IL1RAPL2: variants seen among roughly 807,000 people sequenced by gnomAD.
IL1RAPL2 encodes the protein X-linked interleukin-1 receptor accessory protein-like 2.
Under a neutral mutation model 44.1 loss-of-function variants are expected in IL1RAPL2, and 3 were observed. That is an observed-to-expected ratio of 0.07 (90% confidence interval 0.03 to 0.18). The LOEUF (loss-of-function observed/expected upper bound fraction) is 0.18. IL1RAPL2 is among the 10% of genes least tolerant of loss of function. The probability of loss-of-function intolerance (pLI) is 1.00; values close to 1 mark genes in which losing one functional copy is unlikely to be tolerated. For synonymous variants in IL1RAPL2, 181 were observed against 178.8 expected (o/e 1.01, Z -0.10); for missense variants, 391 against 496.4 (o/e 0.79, Z 2.02).
chrX:105,366,545 TTTTC>T, intron 5 of IL1RAPL2, among the ~76,000 whole-genome samples: 1 of 111,410 alleles, frequency 9.0e-6, no homozygotes, highest in East Asian at 2.8e-4. Flanking sequence ...GTTGTTTTCA[TTTTC>T]TTTATCTCAA....
Position 104,635,343 on chromosome X carries a change from G to C in IL1RAPL2, c.-19-23552G>C, listed in dbSNP as rs1001730061. On this transcript the variant is annotated intron_variant, in intron 1 of 10. Coordinates refer to ENST00000372582, the MANE Select transcript of IL1RAPL2 (RefSeq NM_017416.2). ...GTCTTGGAGTTGCTCTTCTCGAGGAGTATCTTTGTGGCGTTCTCTGTATTT... is the reference window on the plus strand; with the variant it reads ...GTCTTGGAGTTGCTCTTCTCGAGGACTATCTTTGTGGCGTTCTCTGTATTT... 7.3e-5 allele frequency among the ~76,000 whole-genome samples: 8 copies of C among 110,049 alleles called. No homozygotes were observed. The East Asian group carries it at 1.4e-3, about 20-fold the overall frequency.
intron 6 of IL1RAPL2, among the ~76,000 whole-genome samples, chrX:105,682,928 T>G (rs1265813214): frequency 8.9e-6 from 1 of 112,394 alleles, no homozygotes; most frequent in Non-Finnish European, 1.9e-5. Flanking sequence ...ATTTGAACAT[T>G]TAAGATACAA....
intron 2 of IL1RAPL2, among the ~76,000 whole-genome samples, chrX:104,695,106 GT>G (rs1931155410): frequency 8.9e-6 from 1 of 112,056 alleles, no homozygotes; most frequent in African/African-American, 3.2e-5. Flanking sequence ...ACATTAGGTG[GT>G]AATACTTGGG....
At chrX:105,074,861 A>G (rs1252385341) in intron 2 of IL1RAPL2, among the ~76,000 whole-genome samples, 4 of 110,247 alleles carry the variant, frequency 3.6e-5, no homozygotes, top group Admixed American at 9.7e-5. Flanking sequence ...TTGGTGTATA[A>G]GAATGCTTGT....
intron 2 of IL1RAPL2, among the ~76,000 whole-genome samples, chrX:104,835,720 A>G (rs942676832): frequency 4.5e-5 from 5 of 112,091 alleles, no homozygotes; most frequent in African/African-American, 1.6e-4. Context: ...AAAACTGTTT[A>G]TTTTCTTCTC....
At chrX:105,506,177 C>A (rs1378171595) in intron 6 of IL1RAPL2, among the ~76,000 whole-genome samples, 1 of 111,402 alleles carries the variant, frequency 9.0e-6, no homozygotes, top group African/African-American at 3.3e-5. Context: ...GTAAAGAACA[C>A]TTACTAAAGT....
chrX:105,673,004 G>C (rs1361262405), intron 6 of IL1RAPL2, among the ~76,000 whole-genome samples: 4 of 110,977 alleles, frequency 3.6e-5, no homozygotes, highest in African/African-American at 1.3e-4. Flanking sequence ...GTCATCCCTT[G>C]TGTCCTGTAG....
chrX:104,623,270 T>C (rs1929434381), intron 1 of IL1RAPL2, among the ~76,000 whole-genome samples: 1 of 110,324 alleles, frequency 9.1e-6, no homozygotes, highest in Admixed American at 9.9e-5. Flanking sequence ...TGGCTTCATA[T>C]GCCTTGGCTG....
intron 6 of IL1RAPL2, among the ~76,000 whole-genome samples, chrX:105,546,985 A>G (rs1402103894): frequency 9.0e-6 from 1 of 111,527 alleles, no homozygotes; most frequent in South Asian, 3.8e-4. Flanking sequence ...AGCATACGGC[A>G]GTTAATTTTC....
At chrX:104,890,954 C>A (rs1167005978) in intron 2 of IL1RAPL2, among the ~76,000 whole-genome samples, 1 of 111,833 alleles carries the variant, frequency 8.9e-6, no homozygotes, top group Non-Finnish European at 1.9e-5. Flanking sequence ...ATTCTTTACT[C>A]CCTCTTGAAT....
intron 5 of IL1RAPL2, among the ~76,000 whole-genome samples, chrX:105,357,575 T>C (rs975826351): frequency 2.5e-4 from 28 of 111,200 alleles, no homozygotes; most frequent in African/African-American, 8.5e-4. Context: ...GGAATGGTTG[T>C]TGCTCTTATA....
At chrX:104,892,493 T>C (rs1313707672) in intron 2 of IL1RAPL2, among the ~76,000 whole-genome samples, 2 of 111,785 alleles carry the variant, frequency 1.8e-5, no homozygotes, top group Non-Finnish European at 3.8e-5. Flanking sequence ...TATTCAGGGA[T>C]TCAACTTCTT....
intron 4 of IL1RAPL2, among the ~76,000 whole-genome samples, chrX:105,253,828 T>A (rs1425644957): frequency 8.9e-6 from 1 of 112,012 alleles, no homozygotes; most frequent in Non-Finnish European, 1.9e-5. Flanking sequence ...TGCATTAGTT[T>A]GCTAAGGACA....
chrX:105,067,820 TACAC>T (rs1221301196), intron 2 of IL1RAPL2, among the ~76,000 whole-genome samples: 31 of 104,440 alleles, frequency 3.0e-4, no homozygotes, highest in African/African-American at 1.2e-3. Context: ...CACACACACA[TACAC>T]GCATGCACAT....
chrX:105,426,517 C>T (rs757017828), intron 5 of IL1RAPL2, among the ~76,000 whole-genome samples: 1 of 111,276 alleles, frequency 9.0e-6, no homozygotes, highest in African/African-American at 3.3e-5. Flanking sequence ...CTATTCTACT[C>T]CTTGTTATTC....
intron 2 of IL1RAPL2, among the ~76,000 whole-genome samples, chrX:105,067,232 A>C (rs1031345761): frequency 1.8e-5 from 2 of 110,729 alleles, no homozygotes; most frequent in Non-Finnish European, 3.8e-5. Context: ...ACACACACAT[A>C]CACACGTGTG....
At chrX:105,353,994 C>T (rs1370833390) in intron 5 of IL1RAPL2, among the ~76,000 whole-genome samples, 2 of 110,964 alleles carry the variant, frequency 1.8e-5, no homozygotes, top group African/African-American at 3.3e-5. Flanking sequence ...TGAGAGAGGA[C>T]ATCCCTGTCT....
intron 2 of IL1RAPL2, among the ~76,000 whole-genome samples, chrX:105,151,499 T>C (rs937888548): frequency 1.8e-5 from 2 of 110,413 alleles, no homozygotes; most frequent in Non-Finnish European, 1.9e-5. Context: ...ATTTACGATG[T>C]AGAAGGTTTT....
intron 5 of IL1RAPL2, among the ~76,000 whole-genome samples, chrX:105,307,076 C>T (rs1285766522): frequency 4.6e-5 from 5 of 108,747 alleles, no homozygotes; most frequent in Non-Finnish European, 3.8e-5. Flanking sequence ...AGAAAAAAAA[C>T]TACAATTTAT....
Sources: gnomAD v4.1 joint callset for allele counts (sites outside exome capture counted in the v4.1 genomes callset) on GRCh38, gnomAD v4.1.1 for gene constraint, MANE v1.5 for transcripts, NCBI Gene and HGNC (gene_info 2026-07-23, HGNC 2026-07-21) for gene names.